RAB38: variants seen among roughly 807,000 people sequenced by gnomAD.
The protein encoded by RAB38 is ras-related protein Rab-38.
Under a neutral mutation model 18.4 loss-of-function variants are expected in RAB38, and 15 were observed. That is an observed-to-expected ratio of 0.82 (90% CI 0.55 to 1.26). The LOEUF is 1.26. Among genes scored for constraint, RAB38 ranks in the 50% most tolerant of loss-of-function variants. The probability of loss-of-function intolerance (pLI) is 0.00; values close to 1 mark genes in which losing one functional copy is unlikely to be tolerated. For missense variants in RAB38, 294 were observed against 267.4 expected (o/e 1.10, Z -0.69); for synonymous variants, 101 against 104.4 (o/e 0.97, Z 0.20).
At chr11:87,954,309 A>C in the RAB38 span, among the ~76,000 whole-genome samples, 142 of 152,312 alleles carry the variant, frequency 9.3e-4, no homozygotes, top group Middle Eastern at 0.01. Context: ...AACAACAGCC[A>C]GAACTTTGAG....
At chr11:88,046,209 C>T in the RAB38 span, among the ~76,000 whole-genome samples, 2 of 152,140 alleles carry the variant, frequency 1.3e-5, no homozygotes, top group African/African-American at 4.8e-5. Context: ...AGGATTAAAG[C>T]TTTGTTATCA....
At chr11:87,883,451 C>T in the RAB38 span, among the ~76,000 whole-genome samples, 1 of 151,840 alleles carries the variant, frequency 6.6e-6, no homozygotes, top group Non-Finnish European at 1.5e-5. Flanking sequence ...ATAAGAATCT[C>T]TACATAATGA....
the RAB38 span, among the ~76,000 whole-genome samples, chr11:87,884,660 C>T: frequency 6.6e-6 from 1 of 151,840 alleles, no homozygotes; most frequent in East Asian, 2.0e-4. Context: ...AAATGGAAGC[C>T]AAAGACAATG....
chr11:88,119,804 G>T (rs906930522), intron 2 of RAB38, among the ~76,000 whole-genome samples: 1 of 152,006 alleles, frequency 6.6e-6, no homozygotes, highest in African/African-American at 2.4e-5. Context: ...AGACTCCAAG[G>T]TTAGGGCACT....
chr11:87,953,077 A>AGAC, the RAB38 span, among the ~76,000 whole-genome samples: 31,446 of 151,998 alleles, frequency 0.21, 3,481 homozygotes, highest in South Asian at 0.38. Flanking sequence ...TTATTTACAC[A>AGAC]GACTCCTGAT....
At chr11:88,081,803 G>A in the RAB38 span, among the ~76,000 whole-genome samples, 10 of 151,874 alleles carry the variant, frequency 6.6e-5, no homozygotes, top group African/African-American at 1.7e-4. Flanking sequence ...CTTTTGGAAC[G>A]CCACATTCAA....
the RAB38 span, among the ~76,000 whole-genome samples, chr11:87,848,942 T>A: frequency 5.9e-5 from 9 of 152,090 alleles, no homozygotes; most frequent in African/African-American, 2.2e-4. Context: ...AGTGTTTAGG[T>A]CCCATTTTAT....
At chr11:87,887,780 C>A in the RAB38 span, among the ~76,000 whole-genome samples, 6 of 151,930 alleles carry the variant, frequency 3.9e-5, no homozygotes, top group East Asian at 1.2e-3. Flanking sequence ...TTATGTGGGA[C>A]ATTTTAAACT....
intron 2 of RAB38, among the ~76,000 whole-genome samples, chr11:88,119,071 T>C (rs1175771571): frequency 1.3e-5 from 2 of 152,180 alleles, no homozygotes; most frequent in African/African-American, 4.8e-5. Flanking sequence ...ATCCTAGGAA[T>C]AAAATAGATC....
the RAB38 span, among the ~76,000 whole-genome samples, chr11:87,865,159 G>T: frequency 3.2e-3 from 485 of 151,486 alleles, 1 homozygote; most frequent in African/African-American, 0.011. Flanking sequence ...GAAGAAATGG[G>T]GTATAATGGA....
At chr11:87,941,205 AATATATGAGATAT>A in the RAB38 span, among the ~76,000 whole-genome samples, 1 of 88,184 alleles carries the variant, frequency 1.1e-5, no homozygotes, top group Admixed American at 1.4e-4. Context: ...TATTTTTATA[AATATATGAGATAT>A]ATATATATAT....
the RAB38 span, among the ~76,000 whole-genome samples, chr11:88,091,797 T>C: frequency 1.3e-5 from 2 of 151,902 alleles, no homozygotes; most frequent in African/African-American, 4.8e-5. Context: ...TAGACAGTAA[T>C]CTTTTATTGA....
At chr11:87,837,040 CCT>C in the RAB38 span, among the ~76,000 whole-genome samples, 17 of 152,238 alleles carry the variant, frequency 1.1e-4, 1 homozygote, top group Middle Eastern at 0.01. Flanking sequence ...ATCAAGTAAT[CCT>C]CTTCAGTGAG....
chr11:88,035,492 C>T, the RAB38 span, among the ~76,000 whole-genome samples: 47 of 152,120 alleles, frequency 3.1e-4, no homozygotes, highest in African/African-American at 1.1e-3. Flanking sequence ...AATCACAAGG[C>T]GAGGTCCCAC....
intron 2 of RAB38, among the ~76,000 whole-genome samples, chr11:88,144,369 G>C (rs1942954189): frequency 6.6e-6 from 1 of 152,172 alleles, no homozygotes; most frequent in African/African-American, 2.4e-5. Context: ...CCTGTGCCTA[G>C]CTGCAAAGGA....
At chr11:87,840,332 G>A in the RAB38 span, among the ~76,000 whole-genome samples, 19 of 152,286 alleles carry the variant, frequency 1.2e-4, no homozygotes, top group African/African-American at 4.1e-4. Flanking sequence ...ATGGGTCTTG[G>A]ATTTCAGAGT....
chr11:88,004,095 A>C, the RAB38 span, among the ~76,000 whole-genome samples: 1 of 145,818 alleles, frequency 6.9e-6, no homozygotes, highest in African/African-American at 2.5e-5. Context: ...CAGGTCCTTT[A>C]CTAATTTTAT....
At chr11:87,959,768 A>G in the RAB38 span, among the ~76,000 whole-genome samples, 1 of 152,280 alleles carries the variant, frequency 6.6e-6, no homozygotes, top group Middle Eastern at 3.4e-3. Context: ...GAAGCTTGAC[A>G]TAGCATCGAT....
At chr11:88,005,751 T>C in the RAB38 span, among the ~76,000 whole-genome samples, 1 of 151,710 alleles carries the variant, frequency 6.6e-6, no homozygotes, top group Middle Eastern at 3.4e-3. Flanking sequence ...AATTCTTTAA[T>C]ACATTTTTAG....
Sources: gnomAD v4.1 joint callset for allele counts (sites outside exome capture counted in the v4.1 genomes callset) on GRCh38, gnomAD v4.1.1 for gene constraint, MANE v1.5 for transcripts, NCBI Gene and HGNC (gene_info 2026-07-23, HGNC 2026-07-21) for gene names.